Variants in INPP5B observed in about 807,000 individuals in gnomAD.
INPP5B encodes type II inositol 1,4,5-trisphosphate 5-phosphatase.
In INPP5B, 90 loss-of-function variants were observed where a neutral mutation model predicts 118.5. The observed-to-expected ratio is 0.76, with a 90% CI of 0.64 to 0.90. The LOEUF (loss-of-function observed/expected upper bound fraction) is 0.90. Among genes scored for constraint, INPP5B ranks in the 40% least tolerant of loss-of-function variants. INPP5B has a pLI of 0.00. For missense variants in INPP5B, 984 were observed against 1,125.6 expected, an observed-to-expected ratio of 0.87 and a Z score of 1.80; for synonymous variants, 385 against 418.9, an observed-to-expected ratio of 0.92 and a Z score of 0.99.
At chr1:37,883,004 G>A in intron 13 of INPP5B, 86 bp from the exon 14 acceptor site, 1 of 1,540,296 alleles carries the variant, frequency 6.5e-7, no homozygotes, top group Non-Finnish European at 8.7e-7. Context: ...AGGCCCCTGA[G>A]GCTCAGCCTC....
chr1:37,936,462 AAC>A (rs1645695889), intron 6 of INPP5B, among the ~76,000 whole-genome samples: 1 of 151,948 alleles, frequency 6.6e-6, no homozygotes, highest in African/African-American at 2.4e-5. Flanking sequence ...CTCTACTATA[AAC>A]ACAAAAATTA....
intron 7 of INPP5B, among the ~76,000 whole-genome samples, chr1:37,918,062 G>A (rs535608118): frequency 6.6e-6 from 1 of 152,148 alleles, no homozygotes; most frequent in Non-Finnish European, 1.5e-5. Flanking sequence ...TATCAGCCAG[G>A]TGTACAGTCT....
chr1:37,899,149 C>T (rs1343463116), intron 7 of INPP5B, among the ~76,000 whole-genome samples: 8 of 145,982 alleles, frequency 5.5e-5, no homozygotes, highest in African/African-American at 2.1e-4. Context: ...CCATTGCACT[C>T]CAGCCTGGGC....
chr1:37,899,564 AAATAAT>A (rs764421023), intron 7 of INPP5B, among the ~76,000 whole-genome samples: 1 of 152,056 alleles, frequency 6.6e-6, no homozygotes, highest in Admixed American at 6.6e-5. Context: ...CTCTGCCTCA[AAATAAT>A]AATAATAATA....
intron 7 of INPP5B, chr1:37,931,701 G>A (rs772529788): frequency 3.3e-6 from 5 of 1,537,584 alleles, no homozygotes; most frequent in Admixed American, 1.9e-5. Flanking sequence ...GAGAGCCGGC[G>A]GCGGCAGACA....
chr1:37,863,917 C>T (rs1040494769), intron 23 of INPP5B, among the ~76,000 whole-genome samples: 3 of 150,662 alleles, frequency 2.0e-5, no homozygotes, highest in East Asian at 4.0e-4. Flanking sequence ...CAGTTTCAAG[C>T]GATTCTCCTA....
intron 7 of INPP5B, 129 bp downstream of exon 7, chr1:37,931,784 C>T (rs1645480670): frequency 6.2e-7 from 1 of 1,605,954 alleles, no homozygotes; most frequent in Non-Finnish European, 8.5e-7. Flanking sequence ...ACGAACCCGC[C>T]CCCGTGTGCC....
chr1:37,897,921 G>A (rs1049585117), intron 7 of INPP5B, among the ~76,000 whole-genome samples: 3 of 151,412 alleles, frequency 2.0e-5, no homozygotes, highest in Non-Finnish European at 4.4e-5. Flanking sequence ...GGGTGACAGA[G>A]GGAGATCCCA....
intron 7 of INPP5B, among the ~76,000 whole-genome samples, chr1:37,897,409 G>A (rs1644160160): frequency 6.6e-6 from 1 of 151,470 alleles, no homozygotes; most frequent in Non-Finnish European, 1.5e-5. Context: ...TTCTGCCTTG[G>A]GATCCTGTTG....
At chr1:37,910,890 T>C (rs1054476296) in intron 7 of INPP5B, among the ~76,000 whole-genome samples, 8 of 152,252 alleles carry the variant, frequency 5.3e-5, no homozygotes, top group Non-Finnish European at 8.8e-5. Context: ...TATTCTGTTC[T>C]AGATAAACCT....
chr1:37,915,420 G>A (rs953087647), intron 7 of INPP5B, among the ~76,000 whole-genome samples: 1 of 152,198 alleles, frequency 6.6e-6, no homozygotes, highest in Non-Finnish European at 1.5e-5. Flanking sequence ...CCTATAAATA[G>A]TCTCATGTCA....
intron 7 of INPP5B, among the ~76,000 whole-genome samples, chr1:37,906,472 G>A (rs527725156): frequency 1.3e-5 from 2 of 152,268 alleles, no homozygotes; most frequent in Admixed American, 1.3e-4. Context: ...CAAATAATCA[G>A]TCCAAGTATA....
chr1:37,920,092 T>C (rs1324600154), intron 7 of INPP5B, among the ~76,000 whole-genome samples: 1 of 152,190 alleles, frequency 6.6e-6, no homozygotes, highest in Admixed American at 6.6e-5. Context: ...CCAGGAGATA[T>C]ACACAGAGAG....
intron 7 of INPP5B, among the ~76,000 whole-genome samples, chr1:37,916,574 G>A (rs917221188): frequency 2.0e-5 from 3 of 151,532 alleles, no homozygotes; most frequent in Non-Finnish European, 2.9e-5. Context: ...GCGCCACTAC[G>A]CCCGGCTAAT....
At position 37,873,133 on chromosome 1, in the gene INPP5B, C is replaced by T. The variant is rs909828631; in HGVS notation, c.1984G>A (p.Val662Ile). 9.3e-6 allele frequency: 15 copies of T among 1,613,630 alleles called. No individual in the cohort carries two copies. The highest frequency in any genetic ancestry group is 2.7e-5 in the African/African-American group (2 of 74,846). The change falls in exon 19 of 24, where the codon GTA (valine) becomes ATA (isoleucine). Residue 662 changes from valine to isoleucine, a missense_variant. Val to Ile is a conservative substitution (Grantham distance 29). This residue lies in a region of INPP5B where 634 missense variants were observed against 791.0 expected (regional missense o/e 0.80). Coordinates refer to ENST00000373024, the MANE Select transcript of INPP5B (RefSeq NM_005540.3). Reference protein sequence around the residue: ...SDVEIDLELFVNKMTATKLNS... With the variant: ...SDVEIDLELFINKMTATKLNS... ...AGCTTTGTAGCTGTCATCTTATTTA[C>T]GAAGAGCTCCAAGTCAATCTCAACA...
intron 7 of INPP5B, chr1:37,931,633 G>A (rs1239574914): frequency 2.0e-6 from 3 of 1,509,760 alleles, no homozygotes; most frequent in East Asian, 2.6e-5. Context: ...CGCCGCCCCC[G>A]GCCCAGCTCC....
intron 7 of INPP5B, among the ~76,000 whole-genome samples, chr1:37,892,475 T>G (rs762971950): frequency 5.9e-5 from 9 of 152,140 alleles, no homozygotes; most frequent in Non-Finnish European, 1.2e-4. Context: ...AAAAGCCAGA[T>G]CTCTTGTCAA....
Position 37,881,214 on chromosome 1 carries a change from C to T in INPP5B, c.1432-1020G>A, listed in dbSNP as rs188441087. The stretch of plus-strand genomic sequence containing the variant: ...GAACTGCGTTGTCAAATTAGTTATG[C>T]GAACTGGGGGAAGCTCTGTGCCTTG... On this transcript the variant is annotated intron_variant, in intron 14 of 23. Coordinates refer to ENST00000373024, the MANE Select transcript of INPP5B (RefSeq NM_005540.3). Among the ~76,000 whole-genome samples, 4 of 152,286 alleles carry T rather than the reference C, an allele frequency of 2.6e-5. No homozygotes were observed. In the East Asian group the frequency reaches 5.8e-4, roughly 22 times the overall value.
chr1:37,908,701 G>A (rs1302375541), intron 7 of INPP5B, among the ~76,000 whole-genome samples: 1 of 152,118 alleles, frequency 6.6e-6, no homozygotes, highest in Non-Finnish European at 1.5e-5. Context: ...GGAGATGCCT[G>A]CCTGATTATT....
Sources: allele counts gnomAD v4.1 joint callset (sites outside exome capture counted in the v4.1 genomes callset), GRCh38; gene constraint gnomAD v4.1.1; regional missense constraint gnomAD v4.1.1; transcripts MANE v1.5; gene names NCBI Gene and HGNC (gene_info 2026-07-23, HGNC 2026-07-21).